PTPRD: variants seen among roughly 807,000 people sequenced by gnomAD.
The protein encoded by PTPRD is protein tyrosine phosphatase receptor type D.
A neutral mutation model predicts 214.5 loss-of-function variants in PTPRD; 34 were observed. The observed-to-expected ratio is 0.16, with a 90% CI of 0.12 to 0.21. The LOEUF is 0.21. Among genes scored for constraint, PTPRD ranks in the 10% least tolerant of loss-of-function variants. The pLI, the probability that PTPRD is intolerant of heterozygous loss-of-function variation, is 1.00. For synonymous variants in PTPRD, 1,128 were observed against 845.7 expected (o/e 1.33, Z -5.79); for missense variants, 2,545 against 2,398.7 (o/e 1.06, Z -1.27).
intron 12 of PTPRD, among the ~76,000 whole-genome samples, chr9:8,679,225 A>G (rs2097501461): frequency 6.6e-6 from 1 of 152,206 alleles, no homozygotes; most frequent in Non-Finnish European, 1.5e-5. Context: ...TCATCCCACA[A>G]CTTCAAAGCA....
In PTPRD at chr9:9,007,728, T is replaced by A. The variant is rs546367211; in HGVS notation, c.-104+10969A>T. 1.3e-3 allele frequency among the ~76,000 whole-genome samples: 132 copies of A among 102,802 alleles called. 2 individuals are homozygous for A. The highest frequency in any genetic ancestry group is 3.8e-3 in the African/African-American group (121 of 31,832). 67.4% of individuals were successfully genotyped at this position (102,802 alleles called of 152,430 possible). On this transcript the variant is annotated intron_variant, in intron 11 of 45. Coordinates refer to ENST00000381196, the MANE Select transcript of PTPRD (RefSeq NM_002839.4). ...CGTGTTTGACCTCCTGTTACTTGGA[T>A]CCTTTTTTTTTTTTTCATTGTGGTT...
chr9:8,399,349 C>T (rs1364291745), intron 36 of PTPRD, among the ~76,000 whole-genome samples: 1 of 152,004 alleles, frequency 6.6e-6, no homozygotes, highest in Non-Finnish European at 1.5e-5. Flanking sequence ...AATTAGTGTA[C>T]AAATAAAGTA....
At chr9:10,248,354 A>C (rs150708224) in intron 3 of PTPRD, among the ~76,000 whole-genome samples, 118 of 152,182 alleles carry the variant, frequency 7.8e-4, no homozygotes, top group African/African-American at 2.6e-3. Context: ...ACAACCTCTA[A>C]GTTAGGAAGT....
At chr9:10,274,419 T>C (rs1446817752) in intron 3 of PTPRD, among the ~76,000 whole-genome samples, 1 of 152,134 alleles carries the variant, frequency 6.6e-6, no homozygotes, top group East Asian at 1.9e-4. Context: ...AAAAACGACA[T>C]TCTCCAAATA....
chr9:10,545,747 C>G (rs2060038956), intron 2 of PTPRD, among the ~76,000 whole-genome samples: 1 of 152,122 alleles, frequency 6.6e-6, no homozygotes, highest in Admixed American at 6.6e-5. Context: ...GGAAGAACCC[C>G]AAGCTGAGCA....
At chr9:10,504,853 C>G (rs2045361865) in intron 2 of PTPRD, among the ~76,000 whole-genome samples, 1 of 152,124 alleles carries the variant, frequency 6.6e-6, no homozygotes, top group South Asian at 2.1e-4. Context: ...GAAATTATCT[C>G]TTACTATTAT....
chr9:8,635,650 A>G (rs2096406575), intron 13 of PTPRD, among the ~76,000 whole-genome samples: 2 of 152,108 alleles, frequency 1.3e-5, no homozygotes, highest in Admixed American at 1.3e-4. Context: ...TAGTTGCTAT[A>G]TTTCTTTTAA....
chr9:10,552,420 A>G (rs538573766), intron 2 of PTPRD, among the ~76,000 whole-genome samples: 8 of 152,280 alleles, frequency 5.3e-5, no homozygotes, highest in Admixed American at 2.0e-4. Flanking sequence ...CTTAAACTCC[A>G]TCATGCTCTT....
Position 10,345,076 on chromosome 9 carries a change from T to A in PTPRD, c.-599-4059A>T, listed in dbSNP as rs146880749. Among the ~76,000 whole-genome samples the A allele has an allele frequency of 3.8e-3, 576 of 152,266 alleles. 1 individual carries two copies. The highest frequency in any genetic ancestry group is 5.8e-3 in the Admixed American group (89 of 15,286). ...GTGAAGACTATGGCTAAAAAAGACTTATCTTTTTGGTATGCTGATGAATTC... is the reference window on the plus strand; with the variant it reads ...GTGAAGACTATGGCTAAAAAAGACTAATCTTTTTGGTATGCTGATGAATTC... On this transcript the variant is annotated intron_variant, in intron 2 of 45. Transcript: ENST00000381196.
At chr9:9,175,567 G>C (rs2099924153) in intron 10 of PTPRD, among the ~76,000 whole-genome samples, 3 of 140,280 alleles carry the variant, frequency 2.1e-5, no homozygotes, top group Admixed American at 1.5e-4. Flanking sequence ...AGGTTACAGT[G>C]AGCCGAGATT....
intron 8 of PTPRD, among the ~76,000 whole-genome samples, chr9:9,432,118 C>T (rs548580493): frequency 1.5e-4 from 22 of 149,854 alleles, no homozygotes; most frequent in South Asian, 1.1e-3. Context: ...AGAAAGGGCA[C>T]GCAATATATA....
chr9:8,500,690 T>TACTGTGAGCCTAA lies in PTPRD; in HGVS notation c.2128+63_2128+64insTTAGGCTCACAGT. On this transcript the variant is annotated intron_variant, in intron 24 of 45. Coordinates refer to ENST00000381196, the MANE Select transcript of PTPRD (RefSeq NM_002839.4). Reference sequence around the variant, plus strand: ...GAGAAAAAAGATTACTGTGAGCCTATTGAAAGACAGCAGATCAAGACTGTG... The same window carrying TACTGTGAGCCTAA: ...GAGAAAAAAGATTACTGTGAGCCTATACTGTGAGCCTAATGAAAGACAGCAGATCAAGACTGTG... The TACTGTGAGCCTAA allele has an allele frequency of 3.3e-6, 5 of 1,513,022 alleles. No individual in the cohort carries two copies. The Admixed American group carries it at 7.1e-5, about 21-fold the overall frequency. 93.7% of individuals were successfully genotyped at this position (1,513,022 alleles called of 1,614,324 possible).
intron 14 of PTPRD, among the ~76,000 whole-genome samples, chr9:8,578,518 T>A (rs954743105): frequency 2.0e-5 from 3 of 152,186 alleles, no homozygotes; most frequent in Non-Finnish European, 2.9e-5. Context: ...AGAAAAATTC[T>A]CTAGGCTGTC....
chr9:10,224,819 C>T (rs543534170), intron 3 of PTPRD, among the ~76,000 whole-genome samples: 9 of 152,080 alleles, frequency 5.9e-5, no homozygotes, highest in African/African-American at 1.9e-4. Context: ...TTATGATGAT[C>T]CACCTCTACT....
chr9:9,327,416 T>G (rs2040411769), intron 9 of PTPRD, among the ~76,000 whole-genome samples: 1 of 152,152 alleles, frequency 6.6e-6, no homozygotes, highest in African/African-American at 2.4e-5. Flanking sequence ...TTTTTCCATT[T>G]TTTTCTTAAA....
At chr9:8,519,422 C>A (rs1478013725) in intron 20 of PTPRD, among the ~76,000 whole-genome samples, 2 of 152,172 alleles carry the variant, frequency 1.3e-5, no homozygotes, top group Admixed American at 6.6e-5. Context: ...TTCTGAAACG[C>A]AGTGCTATTA....
intron 39 of PTPRD, 140 bp downstream of exon 39, chr9:8,375,796 A>G: frequency 1.1e-6 from 1 of 915,942 alleles, no homozygotes; most frequent in Non-Finnish European, 1.6e-6. Flanking sequence ...ATGTTAGCAT[A>G]GGCCTCATTT....
intron 23 of PTPRD, among the ~76,000 whole-genome samples, chr9:8,502,428 T>C (rs936983983): frequency 7.2e-5 from 11 of 152,096 alleles, no homozygotes; most frequent in African/African-American, 2.7e-4. Flanking sequence ...CAGGGGATTA[T>C]CAGTCTTTCT....
At chr9:9,937,441 G>A (rs2089953046) in intron 5 of PTPRD, among the ~76,000 whole-genome samples, 1 of 147,180 alleles carries the variant, frequency 6.8e-6, no homozygotes, top group South Asian at 2.1e-4. Flanking sequence ...AAAAAAAATA[G>A]TTCCATAGAA....
Sources: allele counts gnomAD v4.1 joint callset (sites outside exome capture counted in the v4.1 genomes callset), GRCh38; gene constraint gnomAD v4.1.1; transcripts MANE v1.5; gene names NCBI Gene and HGNC (gene_info 2026-07-23, HGNC 2026-07-21).